The following C3orf49 variants were observed in gnomAD, a reference collection of about 807,000 sequenced individuals.
C3orf49 encodes the protein putative uncharacterized protein C3orf49.
A neutral mutation model predicts 13.3 loss-of-function variants in C3orf49; 27 were observed. That is an observed-to-expected ratio of 2.02 (90% CI 1.49 to 2.79). The LOEUF (loss-of-function observed/expected upper bound fraction) is 2.79. Among genes scored for constraint, C3orf49 ranks in the 30% most tolerant of loss-of-function variants. The pLI is 0.00. For synonymous variants in C3orf49, 87 were observed against 47.6 expected (o/e 1.83, Z -3.40); for missense variants, 242 against 134.2 (o/e 1.80, Z -3.97).
intron 2 of C3orf49, chr3:63,827,262 G>A (rs192088169): frequency 5.7e-6 from 1 of 176,458 alleles, no homozygotes; most frequent in Non-Finnish European, 1.2e-5. Flanking sequence ...AATCCACAAT[G>A]AATACCCAAG....
At chr3:63,824,594 T>C (rs1305658952) in intron 2 of C3orf49, among the ~76,000 whole-genome samples, 1 of 152,196 alleles carries the variant, frequency 6.6e-6, no homozygotes. Context: ...ATCCCAGCTC[T>C]TTGGAAGGCC....
the C3orf49 span, among the ~76,000 whole-genome samples, chr3:63,814,041 AG>A: frequency 6.6e-6 from 1 of 152,350 alleles, no homozygotes; most frequent in South Asian, 2.1e-4. Flanking sequence ...AGGGCTTACA[AG>A]TTGCTAGGCA....
At chr3:63,823,632 G>C (rs1160098208) in intron 2 of C3orf49, 63 bp downstream of exon 2, 1 of 646,440 alleles carries the variant, frequency 1.5e-6, no homozygotes. Flanking sequence ...AATTAGGATG[G>C]ATTATCTTGC....
intron 5 of C3orf49, chr3:63,834,274 T>C (rs996347692): frequency 1.4e-6 from 2 of 1,430,354 alleles, no homozygotes; most frequent in Non-Finnish European, 9.8e-7. Flanking sequence ...CATGAAAACA[T>C]GTTTATCCTT....
chr3:63,837,501 C>G (rs991335383), intron 5 of C3orf49, among the ~76,000 whole-genome samples: 85 of 152,090 alleles, frequency 5.6e-4, no homozygotes, highest in African/African-American at 1.9e-3. Context: ...ATTAGATATT[C>G]TAGGCAGTCT....
the C3orf49 span, among the ~76,000 whole-genome samples, chr3:63,802,340 T>C: frequency 6.6e-6 from 1 of 152,214 alleles, no homozygotes; most frequent in East Asian, 1.9e-4. Context: ...AACAAGCATA[T>C]ATGCTGCAAG....
intron 2 of C3orf49, chr3:63,827,317 G>T: frequency 4.0e-6 from 1 of 249,524 alleles, no homozygotes; most frequent in Non-Finnish European, 7.7e-6. Flanking sequence ...ATTCCACAAT[G>T]GTTCAGGGGA....
intron 6 of C3orf49, among the ~76,000 whole-genome samples, chr3:63,847,565 T>C (rs1701924412): frequency 6.6e-6 from 1 of 152,082 alleles, no homozygotes; most frequent in African/African-American, 2.4e-5. Context: ...GGCGAAACCC[T>C]GTTTCTACCA....
intron 5 of C3orf49, chr3:63,838,509 A>C (rs1701683221): frequency 1.3e-6 from 2 of 1,578,750 alleles, no homozygotes; most frequent in African/African-American, 2.8e-5. Flanking sequence ...TCTAATGAAA[A>C]AGAAAGAAAA....
the C3orf49 span, among the ~76,000 whole-genome samples, chr3:63,812,058 T>C: frequency 2.6e-5 from 4 of 152,070 alleles, no homozygotes; most frequent in African/African-American, 4.8e-5. Flanking sequence ...CCAACTGGGG[T>C]GCCACTCCTC....
chr3:63,836,294 C>T (rs777505211), intron 5 of C3orf49: 5 of 1,611,682 alleles, frequency 3.1e-6, no homozygotes, highest in African/African-American at 1.3e-5. Context: ...TAAAGCTCTA[C>T]ACTTACTTTA....
At chr3:63,847,647 G>A (rs1300343414) in intron 6 of C3orf49, among the ~76,000 whole-genome samples, 1 of 152,158 alleles carries the variant, frequency 6.6e-6, no homozygotes. Flanking sequence ...TGAGGAAGGA[G>A]AATTGCTTGA....
the C3orf49 span, among the ~76,000 whole-genome samples, chr3:63,788,366 A>G: frequency 4.6e-5 from 7 of 152,242 alleles, no homozygotes; most frequent in Admixed American, 6.5e-5. Flanking sequence ...ATGGAAGACT[A>G]CATTCCTGGG....
chr3:63,807,102 C>T, the C3orf49 span, among the ~76,000 whole-genome samples: 1 of 152,020 alleles, frequency 6.6e-6, no homozygotes, highest in African/African-American at 2.4e-5. Flanking sequence ...CAGGCGCCCA[C>T]CACCACGCCC....
chr3:63,831,332 T>C (rs1287468851), intron 4 of C3orf49, 109 bp downstream of exon 4: 7 of 627,464 alleles, frequency 1.1e-5, no homozygotes, highest in Non-Finnish European at 2.0e-5. Context: ...AAATTAATGA[T>C]TAGCATTAAG....
At chr3:63,830,260 GC>G (rs1310374716) in intron 3 of C3orf49, among the ~76,000 whole-genome samples, 3 of 152,158 alleles carry the variant, frequency 2.0e-5, no homozygotes, top group African/African-American at 7.2e-5. Flanking sequence ...ATGCTAGTAT[GC>G]TAGTTGCTTA....
the C3orf49 span, among the ~76,000 whole-genome samples, chr3:63,811,244 A>G: frequency 6.6e-6 from 1 of 152,226 alleles, no homozygotes; most frequent in Admixed American, 6.5e-5. Context: ...AATTAAGTCA[A>G]TAACTAAAAA....
chr3:63,838,249 A>G, intron 5 of C3orf49: 1 of 917,372 alleles, frequency 1.1e-6, no homozygotes, highest in Non-Finnish European at 1.6e-6. Context: ...CATTTACTGT[A>G]TTCTTTCCAT....
At chr3:63,787,666 C>T in the C3orf49 span, among the ~76,000 whole-genome samples, 538 of 152,180 alleles carry the variant, frequency 3.5e-3, 3 homozygotes, top group African/African-American at 0.012. Context: ...AAGTTTCCCC[C>T]GAACAGGAAA....
Sources: gnomAD v4.1 joint callset for allele counts (sites outside exome capture counted in the v4.1 genomes callset) on GRCh38, gnomAD v4.1.1 for gene constraint, MANE v1.5 for transcripts, NCBI Gene and HGNC (gene_info 2026-07-23, HGNC 2026-07-21) for gene names.